The following POLE2 variants were observed in gnomAD, a reference collection of about 807,000 sequenced individuals.
The protein encoded by POLE2 is DNA polymerase epsilon subunit 2.
In POLE2, 56 loss-of-function variants were observed where a neutral mutation model predicts 79.4. The ratio of observed to expected loss-of-function variants is 0.71; its 90% CI spans 0.57 to 0.88. POLE2 has a LOEUF of 0.88. Among genes scored for constraint, POLE2 ranks in the 40% least tolerant of loss-of-function variants. The pLI is 0.00. For synonymous variants in POLE2, 212 were observed against 214.0 expected (o/e 0.99, Z 0.08); for missense variants, 598 against 638.9 (o/e 0.94, Z 0.69).
intron 18 of POLE2, chr14:49,646,724 G>A (rs2139600593): frequency 6.6e-6 from 1 of 152,126 alleles, no homozygotes; most frequent in East Asian, 1.9e-4. Context: ...TATTTAAAAT[G>A]CCTATTCTTT....
Position 49,672,363 on chromosome 14 carries a change from G to A in POLE2, c.417+1760C>T, listed in dbSNP as rs145254997. ...CTATGTCGGCAATGGAAGCAGCAGA[G>A]GATGCTGGTTCCTCAAGATCATTCT... On this transcript the variant is annotated intron_variant, in intron 5 of 18. Transcript: ENST00000216367. 5.7e-4 allele frequency among the ~76,000 whole-genome samples: 87 copies of A among 152,036 alleles called. 1 individual carries two copies. The highest frequency in any genetic ancestry group is 2.1e-3 in the African/African-American group (86 of 41,430).
intron 18 of POLE2, among the ~76,000 whole-genome samples, chr14:49,644,047 T>C (rs1883584343): frequency 6.6e-6 from 1 of 150,864 alleles, no homozygotes; most frequent in Non-Finnish European, 1.5e-5. Context: ...GCCTGGCTAA[T>C]TTTTGTATTT....
intron 5 of POLE2, among the ~76,000 whole-genome samples, chr14:49,671,580 G>T (rs1166328702): frequency 7.1e-6 from 1 of 141,162 alleles, no homozygotes; most frequent in Non-Finnish European, 1.5e-5. Context: ...TTGCGCCACT[G>T]CACTCAAGCC....
intron 10 of POLE2, among the ~76,000 whole-genome samples, chr14:49,660,885 C>T (rs1885051211): frequency 3.3e-5 from 5 of 152,104 alleles, no homozygotes; most frequent in Admixed American, 3.3e-4. Flanking sequence ...GAGCAAAACT[C>T]CGTCTTAAAA....
At chr14:49,649,299 A>G (rs1005346321) in intron 17 of POLE2, among the ~76,000 whole-genome samples, 1 of 150,776 alleles carries the variant, frequency 6.6e-6, no homozygotes, top group Non-Finnish European at 1.5e-5. Context: ...GGCGCCCGCC[A>G]CCTCGCCCAG....
chr14:49,647,395 C>G (rs1228820899), intron 17 of POLE2, 35 bp from the exon 18 acceptor site: 9 of 1,028,900 alleles, frequency 8.7e-6, no homozygotes, highest in African/African-American at 5.2e-5. Context: ...AGTGAATGCT[C>G]AGACTTTTTT....
At chr14:49,688,074 G>T in intron 1 of POLE2, 62 bp downstream of exon 1, 1 of 1,333,934 alleles carries the variant, frequency 7.5e-7, no homozygotes, top group Non-Finnish European at 1.0e-6. Context: ...TCCCGCTGCC[G>T]CACCAGGCAG....
rs1053544497 is a variant in POLE2 at position 49,688,003 on chromosome 14, T to C, written c.68+133A>G. 20 of 738,744 alleles carry C rather than the reference T, an allele frequency of 2.7e-5. No individual in the cohort carries two copies. The African/African-American group carries it at 2.9e-4, about 11-fold the overall frequency. 45.8% of individuals were successfully genotyped at this position (738,744 alleles called of 1,614,324 possible). On this transcript the variant is annotated intron_variant, in intron 1 of 18. Coordinates refer to ENST00000216367, the MANE Select transcript of POLE2 (RefSeq NM_002692.4). The stretch of plus-strand genomic sequence containing the variant: ...GTGAGCCACCGCGCCCGACCGCTTC[T>C]TAGAACTCTGAAATTTAAGGTCAAG...
chr14:49,659,638 T>C (rs1884959648), intron 10 of POLE2, among the ~76,000 whole-genome samples: 1 of 152,222 alleles, frequency 6.6e-6, no homozygotes, highest in Non-Finnish European at 1.5e-5. Context: ...TGAAGTATAG[T>C]GGCACAATGA....
At chr14:49,661,548 G>A (rs11157697) in intron 10 of POLE2, among the ~76,000 whole-genome samples, 27,379 of 151,896 alleles carry the variant, frequency 0.18, 2,796 homozygotes, top group Admixed American at 0.28. Flanking sequence ...CACATCTTCC[G>A]TTTAAAAAAA....
intron 18 of POLE2, among the ~76,000 whole-genome samples, chr14:49,644,018 T>G (rs1434643655): frequency 6.6e-6 from 1 of 150,804 alleles, no homozygotes; most frequent in Non-Finnish European, 1.5e-5. Flanking sequence ...TAGCTGAGAT[T>G]ATAGGCACTT....
Position 49,666,396 on chromosome 14 carries a change from G to A in POLE2, c.510C>T (p.Thr170=). Reference sequence around the variant, plus strand: ...CGATTTTGGTTGTACTACCCAATAAGGTTTCTATTGTTTTAAGCTAAAATA... The same window carrying A: ...CGATTTTGGTTGTACTACCCAATAAAGTTTCTATTGTTTTAAGCTAAAATA... ...GSKFQLKTIE[T]LLGSTTKIGD... The change falls in exon 7 of 19, where the codon ACC becomes ACT. Residue 170 remains threonine (T), a synonymous_variant. Coordinates refer to ENST00000216367, the MANE Select transcript of POLE2 (RefSeq NM_002692.4). The A allele has an allele frequency of 6.8e-7, 1 of 1,462,932 alleles. No homozygotes were observed. The highest frequency in any genetic ancestry group is 9.2e-7 in the Non-Finnish European group (1 of 1,082,276). The allele number at this position is 1,462,932 out of a possible 1,614,324, so 90.6% of individuals were successfully genotyped here.
intron 9 of POLE2, among the ~76,000 whole-genome samples, chr14:49,663,991 C>T (rs1432731753): frequency 1.3e-5 from 2 of 149,820 alleles, no homozygotes; most frequent in East Asian, 2.0e-4. Flanking sequence ...GAGCCGAGAT[C>T]GTGCCATTGC....
At chr14:49,651,641 A>C (rs41457647) in intron 15 of POLE2, among the ~76,000 whole-genome samples, 1,831 of 152,332 alleles carry the variant, frequency 0.012, 18 homozygotes, top group Middle Eastern at 0.027. Context: ...GGTGGGGCTG[A>C]GAAAATAAAA....
At chr14:49,683,859 T>A (rs573290769) in intron 1 of POLE2, among the ~76,000 whole-genome samples, 166 bp from the exon 2 acceptor site, 1 of 152,310 alleles carries the variant, frequency 6.6e-6, no homozygotes, top group South Asian at 2.1e-4. Flanking sequence ...AACAAAATCA[T>A]CCTCCTATGC....
At chr14:49,661,817 C>A (rs1026006001) in intron 10 of POLE2, among the ~76,000 whole-genome samples, 35 of 152,068 alleles carry the variant, frequency 2.3e-4, no homozygotes, top group African/African-American at 8.4e-4. Context: ...TTTTAATGTA[C>A]TTTATTACAC....
chr14:49,654,275 A>G (rs1002193268), intron 13 of POLE2, 61 bp from the exon 14 acceptor site: 21 of 1,086,548 alleles, frequency 1.9e-5, no homozygotes, highest in Non-Finnish European at 2.6e-5. Context: ...CCAATAGCTT[A>G]AAAGCAAGTT....
intron 6 of POLE2, 121 bp downstream of exon 6, chr14:49,669,403 C>T (rs910197088): frequency 8.2e-6 from 5 of 611,282 alleles, no homozygotes; most frequent in Non-Finnish European, 1.5e-5. Flanking sequence ...TGCAGCCCAT[C>T]CAGTTAGCTA....
At chr14:49,679,938 G>A (rs1297095293) in intron 2 of POLE2, 138 bp from the exon 3 acceptor site, 1 of 595,828 alleles carries the variant, frequency 1.7e-6, no homozygotes, top group Non-Finnish European at 3.0e-6. Context: ...GAAAAAAAGT[G>A]TTAGGTCAGA....
Sources: allele counts gnomAD v4.1 joint callset (sites outside exome capture counted in the v4.1 genomes callset), GRCh38; gene constraint gnomAD v4.1.1; transcripts MANE v1.5; gene names NCBI Gene and HGNC (gene_info 2026-07-23, HGNC 2026-07-21).